The following ACOT7 variants were observed in gnomAD, a reference collection of about 807,000 sequenced individuals.
ACOT7 encodes the protein acyl-CoA thioesterase 7, also known as cytosolic acyl coenzyme A thioester hydrolase.
A neutral mutation model predicts 40.2 loss-of-function variants in ACOT7; 12 were observed. That is an observed-to-expected ratio of 0.30 (90% CI 0.19 to 0.48). The LOEUF is 0.48. Ranked by LOEUF, ACOT7 falls within the 20% of genes least tolerant of loss-of-function variation. The probability of loss-of-function intolerance (pLI) is 0.99; values close to 1 mark genes in which losing one functional copy is unlikely to be tolerated. For missense variants in ACOT7, 395 were observed against 530.8 expected, an observed-to-expected ratio of 0.74 and a Z score of 2.51; for synonymous variants, 228 against 219.5, an observed-to-expected ratio of 1.04 and a Z score of -0.34.
intron 1 of ACOT7, among the ~76,000 whole-genome samples, chr1:6,390,010 G>A (rs897836790): frequency 6.6e-6 from 1 of 152,200 alleles, no homozygotes; most frequent in African/African-American, 2.4e-5. Context: ...TGCTAGGCCA[G>A]GAGGCTCCTC....
At position 6,300,481 on chromosome 1, in the gene ACOT7, A is replaced by C. The variant is rs1045649300; in HGVS notation, c.713-5501T>G. Reference sequence around the variant, plus strand: ...CCCCTCCCCTCTCCACAAACACGGAATCTCACCGGACCCCACCCGATCCTG... The same window carrying C: ...CCCCTCCCCTCTCCACAAACACGGACTCTCACCGGACCCCACCCGATCCTG... On this transcript the variant is annotated intron_variant, in intron 6 of 8. Transcript: ENST00000361521. Among the ~76,000 whole-genome samples, 8 of 151,696 alleles carry C rather than the reference A, an allele frequency of 5.3e-5. No individual in the cohort carries two copies. The East Asian group carries it at 1.2e-3, about 22-fold the overall frequency.
intron 4 of ACOT7, among the ~76,000 whole-genome samples, chr1:6,333,259 C>T (rs544210588): frequency 5.1e-4 from 77 of 152,366 alleles, no homozygotes; most frequent in African/African-American, 1.8e-3. Context: ...CCTCCCCACC[C>T]GTGTTTCCTC....
rs1015946027 is a variant in ACOT7 at position 6,294,083 on chromosome 1, T to C, written c.829+781A>G. On this transcript the variant is annotated intron_variant, in intron 7 of 8. Coordinates refer to ENST00000361521, the MANE Select transcript of ACOT7 (RefSeq NM_007274.4). This position sits in a 1 kb window ranked among gnomAD's most constrained non-coding sequence, Gnocchi z 4.6. Reference sequence around the variant, plus strand: ...CAGCTCCTCCAACAAGCCGCTTTAATGAGGTGGTGTCCTCAGAATCAGCAC... The same window carrying C: ...CAGCTCCTCCAACAAGCCGCTTTAACGAGGTGGTGTCCTCAGAATCAGCAC... Among the ~76,000 whole-genome samples the C allele has an allele frequency of 5.9e-5, 9 of 152,210 alleles. No individual in the cohort carries two copies. The highest frequency in any genetic ancestry group is 2.2e-4 in the African/African-American group (9 of 41,448).
chr1:6,330,520 G>T lies in ACOT7; in HGVS notation c.510+2957C>A, dbSNP rs1640926680. Among the ~76,000 whole-genome samples, 1 of 152,178 alleles carries T rather than the reference G, an allele frequency of 6.6e-6. No homozygotes were observed. The highest frequency in any genetic ancestry group is 2.1e-4 in the South Asian group (1 of 4,832). ...CCGGCTGCCTCGGAGCCATGGAATG[G>T]TTTCAACAACTCCTCGACAAGGCCA... On this transcript the variant is annotated intron_variant, in intron 4 of 8. Transcript: ENST00000361521. The surrounding 1 kb of genome is among the most constrained non-coding windows in gnomAD (Gnocchi z 4.6).
chr1:6,372,848 C>T (rs757199705), intron 1 of ACOT7, among the ~76,000 whole-genome samples: 27 of 152,156 alleles, frequency 1.8e-4, no homozygotes, highest in Non-Finnish European at 2.8e-4. Context: ...CCGTGCCTGG[C>T]CTCCGGCTTT....
chr1:6,270,852 T>C (rs184238909), intron 8 of ACOT7, among the ~76,000 whole-genome samples: 123 of 152,310 alleles, frequency 8.1e-4, no homozygotes, highest in African/African-American at 2.9e-3. Flanking sequence ...GGTGTGTGGC[T>C]GCCCCAAAGG....
chr1:6,339,339 C>A (rs1557658069), intron 3 of ACOT7, 94 bp downstream of exon 3: 1 of 1,561,412 alleles, frequency 6.4e-7, no homozygotes, highest in Non-Finnish European at 8.7e-7. Flanking sequence ...GGAAAAGGGG[C>A]CAGGCCCTGG....
intron 8 of ACOT7, among the ~76,000 whole-genome samples, chr1:6,268,588 C>T (rs144800394): frequency 7.3e-4 from 111 of 152,334 alleles, no homozygotes; most frequent in African/African-American, 2.6e-3. Context: ...CCCCACTCCC[C>T]GCCAAGAGGC....
intron 4 of ACOT7, among the ~76,000 whole-genome samples, chr1:6,327,850 T>G (rs1431092338): frequency 2.0e-5 from 3 of 152,206 alleles, no homozygotes; most frequent in African/African-American, 7.2e-5. Context: ...CTCAGCTCAC[T>G]GCAACCTCTG....
chr1:6,336,549 G>A (rs1229755412), intron 3 of ACOT7, among the ~76,000 whole-genome samples: 2 of 152,072 alleles, frequency 1.3e-5, no homozygotes, highest in African/African-American at 4.8e-5. Context: ...CAGGTAAAGG[G>A]GACACACAGA....
intron 1 of ACOT7, among the ~76,000 whole-genome samples, chr1:6,369,577 C>CT (rs900231437): frequency 7.5e-5 from 11 of 147,120 alleles, no homozygotes; most frequent in African/African-American, 1.8e-4. Flanking sequence ...CAGCTAATTT[C>CT]TTTTTTTTCT....
chr1:6,369,353 A>G (rs888349084), intron 1 of ACOT7, among the ~76,000 whole-genome samples: 2 of 149,896 alleles, frequency 1.3e-5, no homozygotes, highest in Non-Finnish European at 3.0e-5. Flanking sequence ...CATTGCCCAG[A>G]TCAGAAGAAC....
In ACOT7 at chr1:6,296,827, C is replaced by T. The variant is rs556787352; in HGVS notation, c.713-1847G>A. ...GCTCAAGTGATCCTCCTGCTTCAGCCTCCCAAAGTGTGGGGATTACAGGAG... is the reference window on the plus strand; with the variant it reads ...GCTCAAGTGATCCTCCTGCTTCAGCTTCCCAAAGTGTGGGGATTACAGGAG... On this transcript the variant is annotated intron_variant, in intron 6 of 8. Transcript: ENST00000361521. 5.3e-5 allele frequency among the ~76,000 whole-genome samples: 8 copies of T among 152,320 alleles called. No homozygotes were observed. In the South Asian group the frequency reaches 1.7e-3, roughly 32 times the overall value.
At chr1:6,357,813 C>G (rs1305324658) in intron 1 of ACOT7, among the ~76,000 whole-genome samples, 3 of 151,810 alleles carry the variant, frequency 2.0e-5, no homozygotes, top group Non-Finnish European at 4.4e-5. Flanking sequence ...ACATAAATGC[C>G]TCCTCTTTCC....
chr1:6,333,998 C>T (rs1298485814), intron 3 of ACOT7, among the ~76,000 whole-genome samples: 1 of 152,226 alleles, frequency 6.6e-6, no homozygotes, highest in African/African-American at 2.4e-5. Flanking sequence ...TCAGCCACAA[C>T]ACCCAACAGG....
intron 8 of ACOT7, among the ~76,000 whole-genome samples, chr1:6,265,384 C>T (rs961725218): frequency 6.6e-6 from 1 of 152,214 alleles, no homozygotes; most frequent in Non-Finnish European, 1.5e-5. Context: ...GAGAAGGCCC[C>T]GCCCCGTACT....
chr1:6,390,520 C>A (rs1642515896), intron 1 of ACOT7, among the ~76,000 whole-genome samples: 1 of 150,642 alleles, frequency 6.6e-6, no homozygotes, highest in South Asian at 2.1e-4. Flanking sequence ...TGCAGTTAGC[C>A]GAGAGTGTGT....
intron 1 of ACOT7, among the ~76,000 whole-genome samples, chr1:6,386,496 C>T (rs1050870298): frequency 6.6e-6 from 1 of 152,142 alleles, no homozygotes; most frequent in African/African-American, 2.4e-5. Flanking sequence ...TGCAGCAAAT[C>T]CCGGATTTCC....
intron 2 of ACOT7, 62 bp from the exon 3 acceptor site, chr1:6,339,651 A>G (rs2235692): frequency 0.22 from 349,984 of 1,576,186 alleles, 52,545 homozygotes; most frequent in African/African-American, 0.79. Flanking sequence ...AGCCCCACCC[A>G]GGACATGCCC....
Sources: allele counts gnomAD v4.1 joint callset (sites outside exome capture counted in the v4.1 genomes callset), GRCh38; gene constraint gnomAD v4.1.1; non-coding constraint Gnocchi (gnomAD v3.1); transcripts MANE v1.5; gene names NCBI Gene and HGNC (gene_info 2026-07-23, HGNC 2026-07-21).